Variants in KCNQ1 observed in about 807,000 individuals in gnomAD.
The protein encoded by KCNQ1 is potassium voltage-gated channel subfamily KQT member 1.
KCNQ1 carries 49 observed loss-of-function variants against 72.4 expected under a neutral mutation model. The ratio of observed to expected loss-of-function variants is 0.68; its 90% CI spans 0.54 to 0.86. The LOEUF (loss-of-function observed/expected upper bound fraction) is 0.86. KCNQ1 is among the 40% of genes least tolerant of loss of function. The probability of loss-of-function intolerance (pLI) is 0.00; values close to 1 mark genes in which losing one functional copy is unlikely to be tolerated. For missense variants in KCNQ1, 790 were observed against 945.1 expected (o/e 0.84, Z 2.15); for synonymous variants, 450 against 412.6 (o/e 1.09, Z -1.10).
In KCNQ1 at chr11:2,750,573, A is replaced by C. The variant is rs1753532347; in HGVS notation, c.1515-18271A>C. ...GGCTGGACCAGTTGCTTTGCAATTC[A>C]CAAGGCTTTGGAAGGCAGTGCTCAC... On this transcript the variant is annotated intron_variant, in intron 11 of 15. Coordinates refer to ENST00000155840, the MANE Select transcript of KCNQ1 (RefSeq NM_000218.3). The surrounding 1 kb of genome is among the most constrained non-coding windows in gnomAD (Gnocchi z 6.3). Among the ~76,000 whole-genome samples the C allele has an allele frequency of 6.6e-6, 1 of 152,198 alleles. No homozygotes were observed. Among genetic ancestry groups the C allele is most frequent in the Admixed American group, 6.5e-5 (1 of 15,288 alleles).
In KCNQ1 at chr11:2,570,530, C is replaced by T. The variant is rs187053663; in HGVS notation, c.478-98C>T. The T allele has an allele frequency of 1.1e-4, 169 of 1,531,686 alleles. No homozygotes were observed. In the East Asian group the frequency reaches 2.0e-3, roughly 18 times the overall value. The allele number at this position is 1,531,686 out of a possible 1,614,324, so 94.9% of individuals were successfully genotyped here. Reference sequence around the variant, plus strand: ...CTGCTGTTCTCAGGGTGTCCTTCAGCGGAGGCTCCAGCATGGCTGGGTTCA... The same window carrying T: ...CTGCTGTTCTCAGGGTGTCCTTCAGTGGAGGCTCCAGCATGGCTGGGTTCA... On this transcript the variant is annotated intron_variant, in intron 2 of 15. Coordinates refer to ENST00000155840, the MANE Select transcript of KCNQ1 (RefSeq NM_000218.3).
At chr11:2,701,388 GT>G (rs1477543617) in intron 11 of KCNQ1, among the ~76,000 whole-genome samples, 1 of 152,136 alleles carries the variant, frequency 6.6e-6, no homozygotes, top group Non-Finnish European at 1.5e-5. Flanking sequence ...CTGGGCGCCT[GT>G]CCCTTCGCAC....
In KCNQ1 at chr11:2,669,114, G is replaced by A. The variant is rs1053767137; in HGVS notation, c.1514+7033G>A. ...ACAATCAGCTCACTGGCTACGTGTG[G>A]CTCTGTTTCTGGACCCTATTGGGTG... On this transcript the variant is annotated intron_variant, in intron 11 of 15. Coordinates refer to ENST00000155840, the MANE Select transcript of KCNQ1 (RefSeq NM_000218.3). The surrounding 1 kb of genome is among the most constrained non-coding windows in gnomAD (Gnocchi z 5.6). The A allele has an allele frequency of 5.0e-6, 2 of 398,674 alleles. No homozygotes were observed. The highest frequency in any genetic ancestry group is 8.8e-6 in the Non-Finnish European group (2 of 226,112). 24.7% of individuals were successfully genotyped at this position (398,674 alleles called of 1,614,324 possible).
rs574964470 is a variant in KCNQ1, at chr11:2,624,609, A to G, written c.1393+35755A>G. Reference sequence around the variant, plus strand: ...TAACATAAAAATTACCATCCTAACCAATTTTAGTGTACAATTCAGTGAATG... The same window carrying G: ...TAACATAAAAATTACCATCCTAACCGATTTTAGTGTACAATTCAGTGAATG... On this transcript the variant is annotated intron_variant, in intron 10 of 15. Transcript: ENST00000155840. The surrounding 1 kb of genome is among the most constrained non-coding windows in gnomAD (Gnocchi z 4.9). The G allele has an allele frequency of 6.8e-5, 27 of 398,538 alleles. No individual in the cohort carries two copies. The highest frequency in any genetic ancestry group is 1.2e-4 in the Non-Finnish European group (26 of 226,036). 24.7% of individuals were successfully genotyped at this position (398,538 alleles called of 1,614,324 possible).
rs745544293 is a variant in KCNQ1, at chr11:2,767,675, T to G, written c.1515-1169T>G. On this transcript the variant is annotated intron_variant, in intron 11 of 15. Coordinates refer to ENST00000155840, the MANE Select transcript of KCNQ1 (RefSeq NM_000218.3). This position sits in a 1 kb window ranked among gnomAD's most constrained non-coding sequence, Gnocchi z 4.6. Reference sequence around the variant, plus strand: ...GTTGGCATTGCTTAGTTTCTGGGGCTGCCTTCTAGATAGCTTCTAAACCCC... The same window carrying G: ...GTTGGCATTGCTTAGTTTCTGGGGCGGCCTTCTAGATAGCTTCTAAACCCC... 6.6e-6 allele frequency among the ~76,000 whole-genome samples: 1 copy of G among 152,218 alleles called. No homozygotes were observed. Among genetic ancestry groups the G allele is most frequent in the Non-Finnish European group, 1.5e-5 (1 of 68,038 alleles).
intron 7 of KCNQ1, among the ~76,000 whole-genome samples, chr11:2,584,996 G>A (rs1373437860): frequency 6.6e-6 from 1 of 152,206 alleles, no homozygotes; most frequent in Non-Finnish European, 1.5e-5. Context: ...CTGCCCCATG[G>A]GACTGGGCCC....
rs371034525 is a variant in KCNQ1 at position 2,538,651 on chromosome 11, G to A, written c.477+10633G>A. On this transcript the variant is annotated intron_variant, in intron 2 of 15. Transcript: ENST00000155840. This position sits in a 1 kb window ranked among gnomAD's most constrained non-coding sequence, Gnocchi z 6.7. ...TACATAGGAATCCTGGGCTGGAACC[G>A]GAAACTTCCCTGAGTATACGGGGCC... Among the ~76,000 whole-genome samples, 1 of 151,430 alleles carries A rather than the reference G, an allele frequency of 6.6e-6. No individual in the cohort carries two copies. The highest frequency in any genetic ancestry group is 2.1e-4 in the South Asian group (1 of 4,790).
rs2133959382 is a variant in KCNQ1 at position 2,748,005 on chromosome 11, C to T, written c.1515-20839C>T. On this transcript the variant is annotated intron_variant, in intron 11 of 15. Coordinates refer to ENST00000155840, the MANE Select transcript of KCNQ1 (RefSeq NM_000218.3). The surrounding 1 kb of genome is among the most constrained non-coding windows in gnomAD (Gnocchi z 6.2). Reference sequence around the variant, plus strand: ...TGCTTCCACCACCAGCAGAATACTTCAAGAAGACCACTCGGGCCTAGGGCT... The same window carrying T: ...TGCTTCCACCACCAGCAGAATACTTTAAGAAGACCACTCGGGCCTAGGGCT... Among the ~76,000 whole-genome samples the T allele has an allele frequency of 6.6e-6, 1 of 152,310 alleles. No individual in the cohort carries two copies. Among genetic ancestry groups the T allele is most frequent in the South Asian group, 2.1e-4 (1 of 4,824 alleles).
At position 2,595,534 on chromosome 11, in the gene KCNQ1, T is replaced by C. The variant is rs1848721776; in HGVS notation, c.1393+6680T>C. 6.6e-6 allele frequency among the ~76,000 whole-genome samples: 1 copy of C among 152,176 alleles called. No individual in the cohort carries two copies. The highest frequency in any genetic ancestry group is 1.5e-5 in the Non-Finnish European group (1 of 68,038). ...AATCTACTCTGCTTATGCTCTATAATGAAGCAACAAAGCCCGATGACAGTA... is the reference window on the plus strand; with the variant it reads ...AATCTACTCTGCTTATGCTCTATAACGAAGCAACAAAGCCCGATGACAGTA... On this transcript the variant is annotated intron_variant, in intron 10 of 15. Transcript: ENST00000155840. This position sits in a 1 kb window ranked among gnomAD's most constrained non-coding sequence, Gnocchi z 5.0.
chr11:2,823,255 A>G (rs1847774925), intron 15 of KCNQ1, among the ~76,000 whole-genome samples: 1 of 152,262 alleles, frequency 6.6e-6, no homozygotes, highest in African/African-American at 2.4e-5. Context: ...TCTTTGGTAG[A>G]GAAAATTTAT....
intron 11 of KCNQ1, chr11:2,672,378 ATTGAGCTCAGGCTGGTAT>A (rs1850201375): frequency 8.7e-6 from 3 of 346,616 alleles, no homozygotes; most frequent in African/African-American, 7.4e-5. Context: ...GGCTGATATG[ATTGAGCTCAGGCTGGTAT>A]GGGTTAGGGG....
chr11:2,552,133 T>C (rs1847992489), intron 2 of KCNQ1, among the ~76,000 whole-genome samples: 1 of 152,184 alleles, frequency 6.6e-6, no homozygotes. Context: ...TTTTTTTCTT[T>C]AGGGTTCATG....
intron 10 of KCNQ1, chr11:2,633,983 T>G: frequency 2.5e-6 from 1 of 398,644 alleles, no homozygotes; most frequent in Non-Finnish European, 4.4e-6. Context: ...TCTATGTTGT[T>G]GAAGAGTCGA....
Position 2,848,213 on chromosome 11 carries a change from C to A in KCNQ1, c.*210C>A, listed in dbSNP as rs1277590057. Reference sequence around the variant, plus strand: ...ACCTCTTCCTGGCCGGTGTGGGGGCCCCGTCTCAGGTCTGAGTTGTTACCC... The same window carrying A: ...ACCTCTTCCTGGCCGGTGTGGGGGCACCGTCTCAGGTCTGAGTTGTTACCC... On this transcript the variant is annotated 3_prime_UTR_variant, in exon 16 of 16. Coordinates refer to ENST00000155840, the MANE Select transcript of KCNQ1 (RefSeq NM_000218.3). 3.0e-6 allele frequency: 2 copies of A among 669,040 alleles called. No individual in the cohort carries two copies. The highest frequency in any genetic ancestry group is 5.4e-6 in the Non-Finnish European group (2 of 371,086). 41.4% of individuals were successfully genotyped at this position (669,040 alleles called of 1,614,324 possible). A position where few individuals can be genotyped will look rare whatever the true frequency, so the allele number is the denominator to read the frequency against.
At chr11:2,625,189 C>T (rs1035527145) in intron 10 of KCNQ1, 8 of 398,572 alleles carry the variant, frequency 2.0e-5, no homozygotes, top group Non-Finnish European at 3.5e-5. Flanking sequence ...TTTTGCATTC[C>T]CACTAACAGT....
At chr11:2,510,171 C>T (rs1160450131) in intron 1 of KCNQ1, among the ~76,000 whole-genome samples, 2 of 151,842 alleles carry the variant, frequency 1.3e-5, no homozygotes, top group African/African-American at 2.4e-5. Context: ...CCCAACTACT[C>T]GGGAGGCTGA....
Position 2,598,200 on chromosome 11 carries a change from C to CT in KCNQ1, c.1393+9349dup, listed in dbSNP as rs1446463696. Among the ~76,000 whole-genome samples, 3 of 152,142 alleles carry CT rather than the reference C, an allele frequency of 2.0e-5. No individual in the cohort carries two copies. Among genetic ancestry groups the CT allele is most frequent in the African/African-American group, 7.2e-5 (3 of 41,436 alleles). On this transcript the variant is annotated intron_variant, in intron 10 of 15. Coordinates refer to ENST00000155840, the MANE Select transcript of KCNQ1 (RefSeq NM_000218.3). This position sits in a 1 kb window ranked among gnomAD's most constrained non-coding sequence, Gnocchi z 6.2. ...GCTATAAATTTTCCTCTGATTGCAG[C>CT]TTTAGCTGTGACACGTAGATCTGAT...
chr11:2,740,584 A>C (rs1846035219), intron 11 of KCNQ1, among the ~76,000 whole-genome samples: 1 of 152,120 alleles, frequency 6.6e-6, no homozygotes, highest in African/African-American at 2.4e-5. Flanking sequence ...GGGTCTCTGG[A>C]GGGGCCTGGG....
At position 2,493,212 on chromosome 11, in the gene KCNQ1, T is replaced by C. The variant is rs1846862703; in HGVS notation, c.387-34716T>C. On this transcript the variant is annotated intron_variant, in intron 1 of 15. Coordinates refer to ENST00000155840, the MANE Select transcript of KCNQ1 (RefSeq NM_000218.3). The surrounding 1 kb of genome is among the most constrained non-coding windows in gnomAD (Gnocchi z 5.3). ...CCCACTTTTTGATGGGGTTGTTTTT[T>C]TCTTGTAAATTTAAGTTCCTTGTAG... is the stretch of plus-strand genomic sequence containing the variant. Among the ~76,000 whole-genome samples, 1 of 152,250 alleles carries C rather than the reference T, an allele frequency of 6.6e-6. No homozygotes were observed. The highest frequency in any genetic ancestry group is 1.5e-5 in the Non-Finnish European group (1 of 68,044).
Sources: allele counts gnomAD v4.1 joint callset (sites outside exome capture counted in the v4.1 genomes callset), GRCh38; gene constraint gnomAD v4.1.1; non-coding constraint Gnocchi (gnomAD v3.1); transcripts MANE v1.5; gene names NCBI Gene and HGNC (gene_info 2026-07-23, HGNC 2026-07-21).